FER: variants seen among roughly 807,000 people sequenced by gnomAD.
FER encodes the protein FER tyrosine kinase.
A neutral mutation model predicts 111.0 loss-of-function variants in FER; 63 were observed. That is an observed-to-expected ratio of 0.57 (90% confidence interval 0.46 to 0.70). FER has a LOEUF of 0.70. Ranked by LOEUF, FER falls within the 30% of genes least tolerant of loss-of-function variation. The pLI is 0.00. For missense variants in FER, 914 were observed against 954.0 expected, an observed-to-expected ratio of 0.96 and a Z score of 0.55; for synonymous variants, 327 against 313.9, an observed-to-expected ratio of 1.04 and a Z score of -0.44.
intron 17 of FER, among the ~76,000 whole-genome samples, chr5:109,122,476 G>C (rs1332681935): frequency 6.6e-6 from 1 of 150,982 alleles, no homozygotes; most frequent in Non-Finnish European, 1.5e-5. Flanking sequence ...GACTTATTTT[G>C]CTTCCTAATT....
intron 10 of FER, among the ~76,000 whole-genome samples, chr5:108,907,255 T>G (rs1750913697): frequency 6.6e-6 from 1 of 151,988 alleles, no homozygotes; most frequent in African/African-American, 2.4e-5. Context: ...TCCTCCCTCC[T>G]CTGCCTTCTC....
intron 1 of FER, among the ~76,000 whole-genome samples, chr5:108,755,156 C>T (rs1388286032): frequency 1.3e-5 from 2 of 152,210 alleles, no homozygotes; most frequent in Non-Finnish European, 2.9e-5. Flanking sequence ...GACAACTTTG[C>T]ATTACATTAT....
At chr5:108,761,344 A>C (rs1001297604) in intron 1 of FER, among the ~76,000 whole-genome samples, 6 of 152,164 alleles carry the variant, frequency 3.9e-5, no homozygotes, top group Admixed American at 3.9e-4. Flanking sequence ...AGGATTATTA[A>C]TTGGCCTAAT....
chr5:108,810,933 G>T (rs1358201870), intron 3 of FER, among the ~76,000 whole-genome samples: 5 of 152,138 alleles, frequency 3.3e-5, no homozygotes, highest in Non-Finnish European at 5.9e-5. Flanking sequence ...AATGCCTGGA[G>T]ACCTGCCCTG....
chr5:109,091,105 A>C (rs1177925651), intron 16 of FER, among the ~76,000 whole-genome samples: 1 of 152,232 alleles, frequency 6.6e-6, no homozygotes, highest in Non-Finnish European at 1.5e-5. Flanking sequence ...CAATTTAATA[A>C]GGAAATTAGT....
chr5:108,775,736 A>G (rs1753417762), intron 2 of FER, among the ~76,000 whole-genome samples: 1 of 152,194 alleles, frequency 6.6e-6, no homozygotes, highest in Admixed American at 6.5e-5. Flanking sequence ...AAGAAAGCAT[A>G]GGAGGAGTTT....
intron 16 of FER, among the ~76,000 whole-genome samples, chr5:109,054,835 A>C (rs1270987283): frequency 6.6e-6 from 1 of 152,160 alleles, no homozygotes; most frequent in African/African-American, 2.4e-5. Flanking sequence ...CACTTGTTTT[A>C]AATGACTATT....
In FER at chr5:109,092,480, A is replaced by G. The variant is rs565800987; in HGVS notation, c.1925-7916A>G. Reference sequence around the variant, plus strand: ...GACTTAGACATTTTCTCCAAGGAAGATATACACATAGATAAGCAAATTGAA... The same window carrying G: ...GACTTAGACATTTTCTCCAAGGAAGGTATACACATAGATAAGCAAATTGAA... On this transcript the variant is annotated intron_variant, in intron 16 of 19. Coordinates refer to ENST00000281092, the MANE Select transcript of FER (RefSeq NM_005246.4). 2.0e-3 allele frequency among the ~76,000 whole-genome samples: 309 copies of G among 152,252 alleles called. 2 individuals carry two copies. The highest frequency in any genetic ancestry group is 3.4e-3 in the Middle Eastern group (1 of 294).
At chr5:108,892,685 G>A (rs754453838) in intron 9 of FER, among the ~76,000 whole-genome samples, 7 of 152,158 alleles carry the variant, frequency 4.6e-5, no homozygotes, top group East Asian at 1.9e-4. Context: ...GATCCCGTTT[G>A]TCAATTTTGG....
chr5:108,949,715 C>T (rs993371925), intron 11 of FER, among the ~76,000 whole-genome samples: 10 of 151,978 alleles, frequency 6.6e-5, no homozygotes, highest in Non-Finnish European at 1.0e-4. Context: ...TGACATATTG[C>T]AATGATCTGG....
intron 16 of FER, among the ~76,000 whole-genome samples, 175 bp downstream of exon 16, chr5:109,047,373 T>C (rs1027019457): frequency 6.6e-6 from 1 of 152,228 alleles, no homozygotes; most frequent in African/African-American, 2.4e-5. Context: ...TGTAACACTT[T>C]ACTATTTTCT....
intron 8 of FER, among the ~76,000 whole-genome samples, chr5:108,879,116 T>G (rs1268779724): frequency 1.3e-5 from 2 of 152,140 alleles, no homozygotes. Flanking sequence ...TTAAGTATTA[T>G]GTCATTTTGT....
chr5:108,865,789 A>G lies in FER; in HGVS notation c.482-1978A>G, dbSNP rs184381076. Among the ~76,000 whole-genome samples the G allele has an allele frequency of 6.8e-3, 1,035 of 152,298 alleles. 13 individuals are homozygous for G. The highest frequency in any genetic ancestry group is 0.023 in the African/African-American group (974 of 41,546). ...AAGTGGGCGAAGGATATGAACAGAC[A>G]CTTCTCAAAAGAAGACATTTATGCA... On this transcript the variant is annotated intron_variant, in intron 5 of 19. Transcript: ENST00000281092.
intron 17 of FER, among the ~76,000 whole-genome samples, chr5:109,102,907 C>T (rs915065281): frequency 6.6e-6 from 1 of 151,864 alleles, no homozygotes; most frequent in African/African-American, 2.4e-5. Context: ...TCCTATGTGC[C>T]AGCCTACATA....
Position 108,845,015 on chromosome 5 carries a change from T to TAC in FER, c.481+9209_481+9210insCA, listed in dbSNP as rs1561502769. On this transcript the variant is annotated intron_variant, in intron 5 of 19. Coordinates refer to ENST00000281092, the MANE Select transcript of FER (RefSeq NM_005246.4). ...GTGTGTGTATATATATATATATATA[T>TAC]ATATATATATATATATATATATATA... Among the ~76,000 whole-genome samples the TAC allele has an allele frequency of 1.7e-4, 9 of 52,570 alleles. No homozygotes were observed. In the East Asian group the frequency reaches 4.7e-3, roughly 27 times the overall value. 34.5% of individuals were successfully genotyped at this position (52,570 alleles called of 152,430 possible). A position where few individuals can be genotyped will look rare whatever the true frequency, so the allele number is the denominator to read the frequency against.
At chr5:108,764,024 C>T (rs185928585) in intron 1 of FER, among the ~76,000 whole-genome samples, 1 of 152,238 alleles carries the variant, frequency 6.6e-6, no homozygotes, top group East Asian at 1.9e-4. Flanking sequence ...GGGTAACATA[C>T]CTATTCCTAA....
rs1012708220 is a variant in FER at position 109,027,697 on chromosome 5, A to C, written c.1657-9725A>C. ...TAAATAATGACCATCTGTACCCTGT[A>C]GCAGTCCACCAAGAAGCACAGTTAG... On this transcript the variant is annotated intron_variant, in intron 13 of 19. Transcript: ENST00000281092. Among the ~76,000 whole-genome samples the C allele has an allele frequency of 3.9e-5, 6 of 152,144 alleles. 1 individual carries two copies. Among genetic ancestry groups the C allele is most frequent in the African/African-American group, 1.4e-4 (6 of 41,442 alleles).
At chr5:108,858,205 C>T (rs1447252481) in intron 5 of FER, among the ~76,000 whole-genome samples, 1 of 152,250 alleles carries the variant, frequency 6.6e-6, no homozygotes, top group Middle Eastern at 3.4e-3. Flanking sequence ...TATTCCTCCT[C>T]TTCCTATTTA....
chr5:108,841,805 T>G (rs1761298171), intron 5 of FER: 5 of 421,038 alleles, frequency 1.2e-5, no homozygotes. Flanking sequence ...TCAGTCTTCC[T>G]TTCTTTTTTT....
Sources: gnomAD v4.1 joint callset for allele counts (sites outside exome capture counted in the v4.1 genomes callset) on GRCh38, gnomAD v4.1.1 for gene constraint, MANE v1.5 for transcripts, NCBI Gene and HGNC (gene_info 2026-07-23, HGNC 2026-07-21) for gene names.